WIPI2: variants seen among roughly 807,000 people sequenced by gnomAD.
The protein encoded by WIPI2 is WD repeat domain, phosphoinositide interacting 2.
Under a neutral mutation model 52.3 loss-of-function variants are expected in WIPI2, and 28 were observed. The ratio of observed to expected loss-of-function variants is 0.54; its 90% CI spans 0.40 to 0.73. The LOEUF is 0.73. Ranked by LOEUF, WIPI2 falls within the 30% of genes least tolerant of loss-of-function variation. The probability of loss-of-function intolerance (pLI) is 0.00; values close to 1 mark genes in which losing one functional copy is unlikely to be tolerated. For synonymous variants in WIPI2, 268 were observed against 245.0 expected (o/e 1.09, Z -0.88); for missense variants, 506 against 602.9 (o/e 0.84, Z 1.68).
chr7:5,207,449 A>AT (rs1008381762), intron 3 of WIPI2, among the ~76,000 whole-genome samples: 4 of 151,902 alleles, frequency 2.6e-5, no homozygotes, highest in Non-Finnish European at 4.4e-5. Context: ...TTTGCTCTGC[A>AT]TTTTTTTTAG....
At position 5,230,944 on chromosome 7, in the gene WIPI2, C is replaced by T; in HGVS notation, c.1362C>T (p.Asp454=). 1.9e-6 allele frequency: 3 copies of T among 1,610,324 alleles called. No individual in the cohort carries two copies. Among genetic ancestry groups the T allele is most frequent in the Non-Finnish European group, 2.5e-6 (3 of 1,178,110 alleles). The part of the protein sequence containing the change: ...SEHPPMILRT[D] ...ACCCGCCCATGATTCTTCGGACTGA[C>T]TGAACTTGACCTGTGACCTCTGACC... The change falls in exon 13 of 13, where the codon GAC becomes GAT. Residue 454 remains aspartate (D), a synonymous_variant. Coordinates refer to ENST00000288828, the MANE Select transcript of WIPI2 (RefSeq NM_015610.4). This position sits in a 1 kb window ranked among gnomAD's most constrained non-coding sequence, Gnocchi z 4.8.
chr7:5,219,549 G>A (rs867257225), intron 7 of WIPI2, among the ~76,000 whole-genome samples: 15 of 152,094 alleles, frequency 9.9e-5, no homozygotes, highest in Non-Finnish European at 1.8e-4. Flanking sequence ...TCCCAGCCCC[G>A]CTCTGTCCCA....
chr7:5,218,088 C>T (rs1782916010), intron 7 of WIPI2, 74 bp downstream of exon 7: 9 of 1,495,748 alleles, frequency 6.0e-6, no homozygotes, highest in South Asian at 1.1e-5. Flanking sequence ...TTCACACAGC[C>T]ACCTTAGAGG....
chr7:5,197,457 A>G (rs753846490), intron 2 of WIPI2, among the ~76,000 whole-genome samples: 4 of 152,186 alleles, frequency 2.6e-5, no homozygotes, highest in Non-Finnish European at 5.9e-5. Flanking sequence ...TTTTCAAAAT[A>G]GTTACAGGTA....
At chr7:5,212,590 G>A (rs73328729) in intron 3 of WIPI2, among the ~76,000 whole-genome samples, 3,183 of 152,240 alleles carry the variant, frequency 0.021, 134 homozygotes, top group African/African-American at 0.073. Flanking sequence ...CTGGCATGCA[G>A]GAACGTGATC....
Position 5,233,541 on chromosome 7 carries a change from C to T in WIPI2, c.*2594C>T, listed in dbSNP as rs1014444485. ...AACCTGTAAACGTTGTGAATGGGCT[C>T]AGTGGACTCTGGGACCAAACCTTCT... On this transcript the variant is annotated 3_prime_UTR_variant, in exon 13 of 13. Coordinates refer to ENST00000288828, the MANE Select transcript of WIPI2 (RefSeq NM_015610.4). 1 of 152,636 alleles carries T rather than the reference C, an allele frequency of 6.6e-6. No homozygotes were observed. Among genetic ancestry groups the T allele is most frequent in the African/African-American group, 2.4e-5 (1 of 41,458 alleles). 9.5% of individuals were successfully genotyped at this position (152,636 alleles called of 1,614,324 possible).
intron 2 of WIPI2, among the ~76,000 whole-genome samples, chr7:5,197,277 T>G (rs1042535218): frequency 3.9e-5 from 6 of 152,064 alleles, no homozygotes; most frequent in Non-Finnish European, 8.8e-5. Context: ...GAACAATTTG[T>G]TTTTTTAATC....
chr7:5,197,551 AATT>A (rs1467896984), intron 2 of WIPI2, among the ~76,000 whole-genome samples: 1 of 152,198 alleles, frequency 6.6e-6, no homozygotes, highest in East Asian at 1.9e-4. Flanking sequence ...TGCAAAGAAA[AATT>A]ATATGAGCTG....
At position 5,230,891 on chromosome 7, in the gene WIPI2, G is replaced by T; in HGVS notation, c.1309G>T (p.Ala437Ser). The change falls in exon 13 of 13, where the codon GCC (alanine) becomes TCC (serine). Residue 437 changes from alanine to serine, a missense_variant. Around this residue, in one of 4 missense-constraint regions of WIPI2, gnomAD observed 194 missense variants for 175.1 expected, o/e 1.11. Transcript: ENST00000288828. This position sits in a 1 kb window ranked among gnomAD's most constrained non-coding sequence, Gnocchi z 4.8. ...CGCCTGCCTGGAGGACGAGGCCAGCGCCCTGCGCCTGGATGAGGACAGCGA... is the reference window on the plus strand; with the variant it reads ...CGCCTGCCTGGAGGACGAGGCCAGCTCCCTGCGCCTGGATGAGGACAGCGA... ...GGACLEDEAS[A>S]LRLDEDSEHP... 1 of 1,613,830 alleles carries T rather than the reference G, an allele frequency of 6.2e-7. No homozygotes were observed. The highest frequency in any genetic ancestry group is 8.5e-7 in the Non-Finnish European group (1 of 1,179,866).
At chr7:5,218,135 G>C (rs1782917752) in intron 7 of WIPI2, 121 bp downstream of exon 7, 1 of 1,034,368 alleles carries the variant, frequency 9.7e-7, no homozygotes, top group Non-Finnish European at 1.5e-6. Flanking sequence ...GAGAAGCAAA[G>C]ACAGCCACCC....
At chr7:5,228,724 T>C (rs1562410374) in intron 11 of WIPI2, among the ~76,000 whole-genome samples, 1 of 152,220 alleles carries the variant, frequency 6.6e-6, no homozygotes, top group African/African-American at 2.4e-5. Flanking sequence ...CAAAAAGTTC[T>C]AACAACATAT....
intron 3 of WIPI2, among the ~76,000 whole-genome samples, chr7:5,207,929 C>A (rs968338761): frequency 6.6e-6 from 1 of 152,098 alleles, no homozygotes; most frequent in African/African-American, 2.4e-5. Flanking sequence ...CCACACCTGG[C>A]TAATTTTTGT....
chr7:5,221,958 T>TTC (rs1265738940), intron 7 of WIPI2, among the ~76,000 whole-genome samples: 3 of 101,492 alleles, frequency 3.0e-5, no homozygotes, highest in African/African-American at 8.3e-5. Context: ...TTTATTTTTT[T>TTC]TTTTTTTCCC....
At position 5,215,521 on chromosome 7, in the gene WIPI2, G is replaced by A. The variant is rs55958125; in HGVS notation, c.381+817G>A. On this transcript the variant is annotated intron_variant, in intron 4 of 12. Coordinates refer to ENST00000288828, the MANE Select transcript of WIPI2 (RefSeq NM_015610.4). ...CACGCCCAGGGTAACAGCACCACCC[G>A]GGAGACCCCTGGCAATCTGATTCTG... Among the ~76,000 whole-genome samples, 163 of 152,338 alleles carry A rather than the reference G, an allele frequency of 1.1e-3. 2 individuals are homozygous for A. The highest frequency in any genetic ancestry group is 1.5e-3 in the South Asian group (7 of 4,824).
In WIPI2 at chr7:5,222,695, A is replaced by G. The variant is rs191974357; in HGVS notation, c.740+23A>G. On this transcript the variant is annotated intron_variant, in intron 8 of 12. Coordinates refer to ENST00000288828, the MANE Select transcript of WIPI2 (RefSeq NM_015610.4). ...GAGGTAAAGTACGTGAATGTCCAGA[A>G]TGGATTCTGGAGGTTGTATTTGGAT... The G allele has an allele frequency of 2.1e-3, 3,349 of 1,604,380 alleles. 67 individuals carry two copies. Among genetic ancestry groups the G allele is most frequent in the East Asian group, 3.3e-3 (147 of 44,806 alleles).
intron 3 of WIPI2, among the ~76,000 whole-genome samples, chr7:5,206,253 G>A (rs1782290828): frequency 1.3e-5 from 2 of 152,094 alleles, no homozygotes; most frequent in Non-Finnish European, 2.9e-5. Flanking sequence ...TAAGGGGCTG[G>A]GAAGGATGCT....
At chr7:5,204,451 C>CA (rs56069603) in intron 3 of WIPI2, among the ~76,000 whole-genome samples, 2 of 151,572 alleles carry the variant, frequency 1.3e-5, no homozygotes, top group African/African-American at 2.4e-5. Context: ...TGGGCTGTCT[C>CA]AAAAAAATTA....
rs774273766 is a variant in WIPI2 at position 5,227,224 on chromosome 7, T to C, written c.893T>C (p.Val298Ala). ...ACCTGGACCGGGTACTTCGGGAAAG[T>C]GCTCATGGCCTCCACCAGCTACCTG... ...PTTWTGYFGKVLMASTSYLPS... is the reference protein window; with the variant it reads ...PTTWTGYFGKALMASTSYLPS... The change falls in exon 10 of 13, where the codon GTG becomes GCG. Residue 298 changes from valine to alanine, a missense_variant. Coordinates refer to ENST00000288828, the MANE Select transcript of WIPI2 (RefSeq NM_015610.4). The surrounding 1 kb of genome is among the most constrained non-coding windows in gnomAD (Gnocchi z 8.1). 1 of 1,613,952 alleles carries C rather than the reference T, an allele frequency of 6.2e-7. No homozygotes were observed. The highest frequency in any genetic ancestry group is 1.1e-5 in the South Asian group (1 of 91,078).
chr7:5,190,529 G>A, intron 1 of WIPI2, 36 bp downstream of exon 1: 2 of 1,460,946 alleles, frequency 1.4e-6, no homozygotes, highest in Non-Finnish European at 1.8e-6. Context: ...TCGGGGTGAG[G>A]CCAGGGTCGG....
Sources: gnomAD v4.1 joint callset for allele counts (sites outside exome capture counted in the v4.1 genomes callset) on GRCh38, gnomAD v4.1.1 for gene constraint, gnomAD v4.1.1 regional missense constraint, Gnocchi (gnomAD v3.1) non-coding constraint, MANE v1.5 for transcripts, NCBI Gene and HGNC (gene_info 2026-07-23, HGNC 2026-07-21) for gene names.